Variants in DOCK11 observed in about 807,000 individuals in gnomAD.
The protein encoded by DOCK11 is dedicator of cytokinesis protein 11.
Under a neutral mutation model 169.1 loss-of-function variants are expected in DOCK11, and 70 were observed. That is an observed-to-expected ratio of 0.41 (90% CI 0.34 to 0.51). The LOEUF is 0.51. Ranked by LOEUF, DOCK11 falls within the 20% of genes least tolerant of loss-of-function variation. DOCK11 has a pLI of 0.10. For missense variants in DOCK11, 1,166 were observed against 1,538.8 expected (o/e 0.76, Z 4.05); for synonymous variants, 529 against 541.3 (o/e 0.98, Z 0.32).
At chrX:118,572,832 G>C (rs2147391825) in intron 11 of DOCK11, among the ~76,000 whole-genome samples, 1 of 111,742 alleles carries the variant, frequency 8.9e-6, no homozygotes, top group South Asian at 3.8e-4. Context: ...ATAGCAGATA[G>C]AGTAGGCTCT....
At chrX:118,578,709 A>G (rs980837267) in intron 13 of DOCK11, 62 bp downstream of exon 13, 139 of 1,061,409 alleles carry the variant, frequency 1.3e-4, no homozygotes, top group Non-Finnish European at 1.7e-4. Flanking sequence ...TTTTACTGAT[A>G]TTTTAAATGC....
intron 46 of DOCK11, among the ~76,000 whole-genome samples, chrX:118,675,123 G>A (rs1440983202): frequency 1.8e-5 from 2 of 112,222 alleles, no homozygotes; most frequent in Admixed American, 1.9e-4. Flanking sequence ...TCTGTAGCTC[G>A]TCTTTCACAT....
chrX:118,680,448 AAAAT>A (rs770301355), intron 48 of DOCK11, 30 bp from the exon 49 acceptor site: 24 of 840,073 alleles, frequency 2.9e-5, no homozygotes, highest in Non-Finnish European at 3.6e-5. Context: ...AAAATAAAAT[AAAAT>A]AAATAAATAA....
At chrX:118,574,292 G>A (rs891355964) in intron 12 of DOCK11, among the ~76,000 whole-genome samples, 2 of 112,046 alleles carry the variant, frequency 1.8e-5, no homozygotes, top group South Asian at 3.7e-4. Context: ...CAGGCCAGGC[G>A]TGGTGGCTCA....
At chrX:118,601,863 C>T (rs1357077725) in intron 23 of DOCK11, among the ~76,000 whole-genome samples, 3 of 110,920 alleles carry the variant, frequency 2.7e-5, no homozygotes, top group Admixed American at 9.6e-5. Flanking sequence ...CTGCAACCTC[C>T]GCCTCCTGGG....
chrX:118,572,681 A>G (rs1333289516), intron 11 of DOCK11, among the ~76,000 whole-genome samples: 1 of 112,212 alleles, frequency 8.9e-6, no homozygotes, highest in Admixed American at 9.5e-5. Context: ...ACTGAGAACT[A>G]TTAATAATTG....
rs375685172 is a variant in DOCK11 at position 118,580,228 on chromosome X, G to C, written c.1595+49G>C. The C allele has an allele frequency of 1.3e-3, 1,396 of 1,044,502 alleles. 1 individual carries two copies. Among genetic ancestry groups the C allele is most frequent in the Non-Finnish European group, 1.7e-3 (1,331 of 764,848 alleles). 86.1% of individuals were successfully genotyped at this position (1,044,502 alleles called of 1,213,427 possible). ...CCGCTCACTCGTGTTCATATGTGAA[G>C]TTAAGGGCTGTTATACTTACCAGCA... is the stretch of plus-strand genomic sequence containing the variant. On this transcript the variant is annotated intron_variant, in intron 14 of 52. Coordinates refer to ENST00000276202, the MANE Select transcript of DOCK11 (RefSeq NM_144658.4).
chrX:118,593,847 A>G (rs1304928320), intron 20 of DOCK11, among the ~76,000 whole-genome samples: 1 of 112,422 alleles, frequency 8.9e-6, no homozygotes, highest in East Asian at 2.8e-4. Flanking sequence ...TGCATATTAT[A>G]TGTTCATTTT....
chrX:118,683,760 T>C (rs1447570429), intron 52 of DOCK11, among the ~76,000 whole-genome samples: 2 of 112,327 alleles, frequency 1.8e-5, no homozygotes, highest in Non-Finnish European at 3.8e-5. Flanking sequence ...AGTGGTCATT[T>C]TATAAAATTT....
intron 6 of DOCK11, among the ~76,000 whole-genome samples, chrX:118,548,932 G>A (rs1218789052): frequency 9.0e-6 from 1 of 111,647 alleles, no homozygotes; most frequent in East Asian, 2.8e-4. Flanking sequence ...CACTAACAGT[G>A]ACCAGGCGGG....
intron 1 of DOCK11, among the ~76,000 whole-genome samples, chrX:118,506,117 G>A (rs920837187): frequency 2.7e-4 from 30 of 110,852 alleles, no homozygotes; most frequent in East Asian, 5.7e-4. Context: ...TGAGCCAGGC[G>A]TGGTGGCACA....
chrX:118,672,740 A>G (rs2016516336), intron 46 of DOCK11, among the ~76,000 whole-genome samples: 1 of 113,034 alleles, frequency 8.8e-6, no homozygotes, highest in Non-Finnish European at 1.9e-5. Flanking sequence ...CGGCCTGGCC[A>G]TGTATTCTTA....
chrX:118,604,515 T>A (rs2014436632), intron 23 of DOCK11, among the ~76,000 whole-genome samples: 1 of 93,336 alleles, frequency 1.1e-5, no homozygotes, highest in Non-Finnish European at 2.1e-5. Context: ...CAGCGAGGTT[T>A]GTTTCCTTTT....
rs760553736 is a variant in DOCK11, at chrX:118,618,805, G to A, written c.3471+77G>A. 16 of 843,871 alleles carry A rather than the reference G, an allele frequency of 1.9e-5. No homozygotes were observed. In the East Asian group the frequency reaches 5.3e-4, roughly 28 times the overall value. The allele number at this position is 843,871 out of a possible 1,213,427, so 69.5% of individuals were successfully genotyped here. A position where few individuals can be genotyped will look rare whatever the true frequency, so the allele number is the denominator to read the frequency against. The stretch of plus-strand genomic sequence containing the variant: ...ATTTTTTATAGAAGATGAAGTTTTT[G>A]TAGCAAGGAGCATTATATAAGCATT... On this transcript the variant is annotated intron_variant, in intron 31 of 52. Coordinates refer to ENST00000276202, the MANE Select transcript of DOCK11 (RefSeq NM_144658.4).
chrX:118,611,702 T>G (rs2014686080), intron 28 of DOCK11, among the ~76,000 whole-genome samples: 1 of 112,737 alleles, frequency 8.9e-6, no homozygotes, highest in Non-Finnish European at 1.9e-5. Context: ...TGTCAGTATG[T>G]AAGTGGCAGT....
intron 23 of DOCK11, among the ~76,000 whole-genome samples, chrX:118,603,098 GA>G (rs1398868541): frequency 1.8e-5 from 2 of 112,327 alleles, no homozygotes; most frequent in East Asian, 5.6e-4. Context: ...ATTTCAAGCT[GA>G]AAGGATGAGA....
chrX:118,645,468 CAGATCACCTG>C (rs1449734621), intron 40 of DOCK11, among the ~76,000 whole-genome samples: 1 of 110,669 alleles, frequency 9.0e-6, no homozygotes, highest in Non-Finnish European at 1.9e-5. Flanking sequence ...CCGAGGCGGG[CAGATCACCTG>C]AGGTCAGGAG....
At chrX:118,645,220 G>T (rs1280205929) in intron 40 of DOCK11, among the ~76,000 whole-genome samples, 1 of 111,181 alleles carries the variant, frequency 9.0e-6, no homozygotes, top group Non-Finnish European at 1.9e-5. Context: ...AGATTGGAGA[G>T]CCAGAGTTGG....
In DOCK11 at chrX:118,599,159, C is replaced by T. The variant is rs748928878; in HGVS notation, c.2493C>T (p.Phe831=). The T allele has an allele frequency of 1.7e-6, 2 of 1,210,493 alleles. No homozygotes were observed. Among genetic ancestry groups the T allele is most frequent in the South Asian group, 3.5e-5 (2 of 56,881 alleles). ...TCCAGGATCTGCATGTGCACAAATT[C>T]TTCCATCATTGCCAGCTGATTCAGT... ...IYTQDLHVHK[F]FHHCQLIQSG... The change falls in exon 23 of 53, where the codon TTC becomes TTT. Residue 831 remains phenylalanine, a synonymous_variant. Coordinates refer to ENST00000276202, the MANE Select transcript of DOCK11 (RefSeq NM_144658.4).
Sources: allele counts gnomAD v4.1 joint callset (sites outside exome capture counted in the v4.1 genomes callset), GRCh38; gene constraint gnomAD v4.1.1; transcripts MANE v1.5; gene names NCBI Gene and HGNC (gene_info 2026-07-23, HGNC 2026-07-21).